Variants in NELL2 observed in about 807,000 individuals in gnomAD.
NELL2 encodes the protein neural EGFL like 2, also known as protein kinase C-binding protein NELL2.
In NELL2, 41 loss-of-function variants were observed where a neutral mutation model predicts 109.6. The observed-to-expected ratio is 0.37, with a 90% CI of 0.29 to 0.49. NELL2 has a LOEUF of 0.49. Among genes scored for constraint, NELL2 ranks in the 20% least tolerant of loss-of-function variants. The pLI is 0.98. For missense variants in NELL2, 900 were observed against 1,008.3 expected, an observed-to-expected ratio of 0.89 and a Z score of 1.45; for synonymous variants, 355 against 344.7, an observed-to-expected ratio of 1.03 and a Z score of -0.33.
At chr12:44,557,755 A>T (rs1285627208) in intron 15 of NELL2, among the ~76,000 whole-genome samples, 1 of 152,204 alleles carries the variant, frequency 6.6e-6, no homozygotes, top group Non-Finnish European at 1.5e-5. Flanking sequence ...AAATGAAATG[A>T]AGCCATGGAA....
intron 2 of NELL2, among the ~76,000 whole-genome samples, chr12:44,870,589 G>A (rs1388474344): frequency 6.6e-6 from 1 of 152,108 alleles, no homozygotes; most frequent in Admixed American, 6.5e-5. Context: ...CCTTCTGGAG[G>A]CTGTAAGAGA....
chr12:44,520,017 G>A lies in NELL2; in HGVS notation c.2388C>T (p.Leu796=). Residue 796 remains leucine (L), a synonymous_variant, in exon 19 of 20, where the codon CTC becomes CTT. Coordinates refer to ENST00000429094, the MANE Select transcript of NELL2 (RefSeq NM_001145108.2). Reference sequence around the variant, plus strand: ...TAATGGAGTTTACCTTGCACTGGCAGAGAGTACACTCAGTGCCATGTTTGA... The same window carrying A: ...TAATGGAGTTTACCTTGCACTGGCAAAGAGTACACTCAGTGCCATGTTTGA... ...SWIKHGTECT[L]CQCKNGHICC... is the part of the protein sequence containing the mutation. 1 of 1,613,184 alleles carries A rather than the reference G, an allele frequency of 6.2e-7. No individual in the cohort carries two copies. The highest frequency in any genetic ancestry group is 8.5e-7 in the Non-Finnish European group (1 of 1,179,142).
intron 11 of NELL2, among the ~76,000 whole-genome samples, chr12:44,704,460 C>G (rs1429968951): frequency 6.6e-6 from 1 of 152,132 alleles, no homozygotes; most frequent in African/African-American, 2.4e-5. Context: ...TTTCACAGAT[C>G]TCAGAGTCTT....
chr12:44,635,483 G>C (rs1026836168), intron 13 of NELL2, among the ~76,000 whole-genome samples: 1 of 152,140 alleles, frequency 6.6e-6, no homozygotes, highest in Non-Finnish European at 1.5e-5. Flanking sequence ...AAGGGGTCCA[G>C]TTTCAGTTTT....
chr12:44,684,014 T>C (rs1259973040), intron 12 of NELL2, among the ~76,000 whole-genome samples: 3 of 152,184 alleles, frequency 2.0e-5, no homozygotes, highest in South Asian at 2.1e-4. Flanking sequence ...CCTCCTTGTA[T>C]CTCTGGTAGA....
intron 12 of NELL2, among the ~76,000 whole-genome samples, chr12:44,685,988 C>T (rs1469370278): frequency 1.3e-5 from 2 of 152,184 alleles, no homozygotes; most frequent in Admixed American, 6.5e-5. Context: ...GGAAGTTCTC[C>T]TGGATAATAT....
At chr12:44,866,241 T>G (rs1039874420) in intron 2 of NELL2, among the ~76,000 whole-genome samples, 1 of 152,242 alleles carries the variant, frequency 6.6e-6, no homozygotes, top group Admixed American at 6.5e-5. Flanking sequence ...CAATCTAAGA[T>G]ATTTTGTTGT....
intron 15 of NELL2, among the ~76,000 whole-genome samples, chr12:44,561,393 C>T (rs933602985): frequency 6.6e-6 from 1 of 152,172 alleles, no homozygotes; most frequent in African/African-American, 2.4e-5. Context: ...TAAATTGTCT[C>T]TGTTTGCAGA....
intron 9 of NELL2, among the ~76,000 whole-genome samples, chr12:44,718,119 C>A (rs1938586025): frequency 6.6e-6 from 1 of 152,132 alleles, no homozygotes; most frequent in Middle Eastern, 3.2e-3. Flanking sequence ...TTGAGATTAT[C>A]AAAATGAGGT....
intron 16 of NELL2, chr12:44,523,772 G>C (rs2138989243): frequency 2.7e-6 from 1 of 369,800 alleles, no homozygotes; most frequent in Admixed American, 4.3e-5. Context: ...TTTTATTTTT[G>C]AGAGTAAGAA....
At chr12:44,555,182 T>C (rs1435991572) in intron 15 of NELL2, among the ~76,000 whole-genome samples, 1 of 152,216 alleles carries the variant, frequency 6.6e-6, no homozygotes, top group Non-Finnish European at 1.5e-5. Context: ...CTACTCAACC[T>C]GTTTGGAAAT....
chr12:44,704,024 CTTCT>C (rs1471071073), intron 11 of NELL2, among the ~76,000 whole-genome samples, 170 bp from the exon 12 acceptor site: 2 of 152,042 alleles, frequency 1.3e-5, no homozygotes, highest in African/African-American at 4.8e-5. Context: ...CCAAAAACTT[CTTCT>C]TTATGTTTAA....
intron 13 of NELL2, among the ~76,000 whole-genome samples, chr12:44,631,252 T>C (rs1946447580): frequency 6.8e-6 from 1 of 147,900 alleles, no homozygotes. Context: ...TATATAAATA[T>C]ATATAAACAT....
At chr12:44,777,149 G>T (rs751257999) in intron 6 of NELL2, 25 bp from the exon 7 acceptor site, 2 of 1,612,912 alleles carry the variant, frequency 1.2e-6, no homozygotes, top group Non-Finnish European at 1.7e-6. Context: ...ACTACATTTG[G>T]TCAAGATGCA....
At chr12:44,818,766 C>A (rs1194831289) in intron 2 of NELL2, among the ~76,000 whole-genome samples, 2 of 112,078 alleles carry the variant, frequency 1.8e-5, no homozygotes, top group African/African-American at 3.4e-5. Context: ...GACGGAGTCT[C>A]GCTCTGTCGC....
At chr12:44,868,794 C>T (rs1412316227) in intron 2 of NELL2, among the ~76,000 whole-genome samples, 2 of 151,988 alleles carry the variant, frequency 1.3e-5, no homozygotes, top group African/African-American at 2.4e-5. Context: ...TTAGATGGCA[C>T]AATATGTTCA....
chr12:44,911,277 T>A (rs2136892448), intron 1 of NELL2, among the ~76,000 whole-genome samples: 1 of 152,142 alleles, frequency 6.6e-6, no homozygotes, highest in African/African-American at 2.4e-5. Context: ...CAGGGGAATA[T>A]GCAGGTTTTA....
At chr12:44,681,205 T>G (rs960571537) in intron 12 of NELL2, among the ~76,000 whole-genome samples, 1 of 150,828 alleles carries the variant, frequency 6.6e-6, no homozygotes, top group African/African-American at 2.4e-5. Flanking sequence ...GGATCCTTTA[T>G]GTCTTTTCTT....
At chr12:44,621,897 CTG>C (rs1946074281) in intron 13 of NELL2, among the ~76,000 whole-genome samples, 1 of 152,056 alleles carries the variant, frequency 6.6e-6, no homozygotes, top group Admixed American at 6.6e-5. Flanking sequence ...CTGGAAAGCA[CTG>C]AGAATAATCC....
Sources: gnomAD v4.1 joint callset for allele counts (sites outside exome capture counted in the v4.1 genomes callset) on GRCh38, gnomAD v4.1.1 for gene constraint, MANE v1.5 for transcripts, NCBI Gene and HGNC (gene_info 2026-07-23, HGNC 2026-07-21) for gene names.